AKAP12: variants seen among roughly 807,000 people sequenced by gnomAD.
AKAP12 encodes the protein A-kinase anchoring protein 12, also known as A-kinase anchor protein 12.
A neutral mutation model predicts 79.9 loss-of-function variants in AKAP12; 32 were observed. That is an observed-to-expected ratio of 0.40 (90% CI 0.30 to 0.54). AKAP12 has a LOEUF of 0.54. Ranked by LOEUF, AKAP12 falls within the 20% of genes least tolerant of loss-of-function variation. The pLI is 0.48. For synonymous variants in AKAP12, 808 were observed against 857.0 expected, an observed-to-expected ratio of 0.94 and a Z score of 1.00; for missense variants, 2,074 against 2,177.0, an observed-to-expected ratio of 0.95 and a Z score of 0.94.
rs1338613883 is a variant in AKAP12 at position 151,349,390 on chromosome 6, A to C, written c.999A>C (p.Glu333Asp). ...AGAAGAAAAAGGAACAAGAGCCAGA[A>C]AAAGTAGACACAGAAGAAGACGGAA... is the stretch of plus-strand genomic sequence containing the variant. ...ASEKKKEQEP[E>D]KVDTEEDGKA... Residue 333 changes from glutamate to aspartate, a missense_variant, in exon 4 of 5, where the codon GAA becomes GAC. Coordinates refer to ENST00000402676, the MANE Select transcript of AKAP12 (RefSeq NM_005100.4). 6.2e-7 allele frequency: 1 copy of C among 1,613,978 alleles called. No individual in the cohort carries two copies. The highest frequency in any genetic ancestry group is 1.1e-5 in the South Asian group (1 of 91,080).
At position 151,339,634 on chromosome 6, in the gene AKAP12, G is replaced by C. The variant is rs555496785; in HGVS notation, c.320-9077G>C. ...TTTACATTAGGGCTCACTCTTGGTG[G>C]TGTACATTCTGTGGATTTGGGCCAA... On this transcript the variant is annotated intron_variant, in intron 3 of 4. Coordinates refer to ENST00000402676, the MANE Select transcript of AKAP12 (RefSeq NM_005100.4). 2.2e-3 allele frequency among the ~76,000 whole-genome samples: 329 copies of C among 152,026 alleles called. 1 individual carries two copies. The highest frequency in any genetic ancestry group is 7.7e-3 in the African/African-American group (318 of 41,470).
At chr6:151,303,275 AC>A (rs1323895293) in intron 2 of AKAP12, among the ~76,000 whole-genome samples, 1 of 151,732 alleles carries the variant, frequency 6.6e-6, no homozygotes, top group Non-Finnish European at 1.5e-5. Context: ...TCCATTCCCT[AC>A]CCCCTGCTTT....
intron 2 of AKAP12, among the ~76,000 whole-genome samples, chr6:151,259,407 T>C (rs1052558063): frequency 2.0e-5 from 3 of 149,914 alleles, no homozygotes; most frequent in Non-Finnish European, 3.0e-5. Flanking sequence ...AGCATATATA[T>C]TTATATATGT....
intron 3 of AKAP12, chr6:151,324,069 C>T: frequency 1.0e-6 from 1 of 985,418 alleles, no homozygotes; most frequent in Non-Finnish European, 1.2e-6. Context: ...GCCCCCTTGG[C>T]TCTGTGGACT....
intron 2 of AKAP12, among the ~76,000 whole-genome samples, chr6:151,302,916 C>T (rs755888942): frequency 8.5e-5 from 13 of 152,342 alleles, no homozygotes; most frequent in South Asian, 6.2e-4. Flanking sequence ...TGACATTTGG[C>T]TGGGCGCAGT....
At chr6:151,265,214 CT>C (rs11308850) in intron 2 of AKAP12, among the ~76,000 whole-genome samples, 33,679 of 142,210 alleles carry the variant, frequency 0.24, 3,986 homozygotes, top group East Asian at 0.41. Flanking sequence ...AATCAAGCCT[CT>C]TTTTTTTTTT....
chr6:151,275,956 T>C (rs2114717840), intron 2 of AKAP12, among the ~76,000 whole-genome samples: 1 of 152,364 alleles, frequency 6.6e-6, no homozygotes, highest in Middle Eastern at 3.4e-3. Flanking sequence ...ATTTAATTGG[T>C]TAGCATTTAT....
chr6:151,249,225 C>G (rs944949729), intron 2 of AKAP12, among the ~76,000 whole-genome samples: 2 of 152,050 alleles, frequency 1.3e-5, no homozygotes, highest in African/African-American at 4.8e-5. Flanking sequence ...TTTGACTGGT[C>G]CAAAAATCTG....
chr6:151,353,787 T>G, intron 4 of AKAP12, 35 bp downstream of exon 4: 1 of 1,431,154 alleles, frequency 7.0e-7, no homozygotes, highest in South Asian at 1.5e-5. Flanking sequence ...AATTTTTCTC[T>G]TTTATGCCAA....
intron 3 of AKAP12, among the ~76,000 whole-genome samples, chr6:151,311,949 A>C (rs1777114889): frequency 6.6e-6 from 1 of 151,926 alleles, no homozygotes; most frequent in Non-Finnish European, 1.5e-5. Flanking sequence ...TGACTCCCCC[A>C]CCCCATACCT....
At chr6:151,320,799 T>C (rs577685178) in intron 3 of AKAP12, among the ~76,000 whole-genome samples, 1 of 152,152 alleles carries the variant, frequency 6.6e-6, no homozygotes, top group Non-Finnish European at 1.5e-5. Context: ...AAGCCTCCAA[T>C]GGCTCCCTAT....
At chr6:151,318,482 C>T (rs75810424) in intron 3 of AKAP12, among the ~76,000 whole-genome samples, 3,746 of 152,276 alleles carry the variant, frequency 0.025, 89 homozygotes, top group South Asian at 0.054. Context: ...TGATAGATGT[C>T]TGGCCATTGG....
At chr6:151,275,263 G>T (rs1192621865) in intron 2 of AKAP12, among the ~76,000 whole-genome samples, 1 of 152,088 alleles carries the variant, frequency 6.6e-6, no homozygotes, top group Non-Finnish European at 1.5e-5. Flanking sequence ...GCTGTGTCTG[G>T]AAAACACATT....
rs935359811 is a variant in AKAP12, at chr6:151,341,734, G to C, written c.320-6977G>C. On this transcript the variant is annotated intron_variant, in intron 3 of 4. Coordinates refer to ENST00000402676, the MANE Select transcript of AKAP12 (RefSeq NM_005100.4). ...CGGCAGTTCGCCCCGCAGCGATGGC[G>C]GACACGGAATCCCGAGGGCCACCAA... 1.9e-5 allele frequency: 24 copies of C among 1,275,752 alleles called. No homozygotes were observed. The Admixed American group carries it at 4.6e-4, about 25-fold the overall frequency. The allele number at this position is 1,275,752 out of a possible 1,614,324, so 79.0% of individuals were successfully genotyped here.
intron 3 of AKAP12, among the ~76,000 whole-genome samples, chr6:151,344,622 C>T (rs576867910): frequency 6.6e-6 from 1 of 152,148 alleles, no homozygotes; most frequent in Non-Finnish European, 1.5e-5. Flanking sequence ...CAACCTCTGC[C>T]TCCCATGTTC....
intron 2 of AKAP12, among the ~76,000 whole-genome samples, chr6:151,265,920 G>A (rs892675676): frequency 1.3e-5 from 2 of 152,292 alleles, no homozygotes; most frequent in East Asian, 3.9e-4. Context: ...TATTCTTTTC[G>A]TTCTTCCTTT....
In AKAP12 at chr6:151,334,256, G is replaced by A. The variant is rs534581489; in HGVS notation, c.320-14455G>A. Among the ~76,000 whole-genome samples, 22 of 152,208 alleles carry A rather than the reference G, an allele frequency of 1.4e-4. No individual in the cohort carries two copies. In the South Asian group the frequency reaches 4.2e-3, roughly 29 times the overall value. On this transcript the variant is annotated intron_variant, in intron 3 of 4. Transcript: ENST00000402676. ...AAATGTTGATGCAGGAAGTCAGGGT[G>A]GTAAAAAATAGGCACAATGTCACAT...
chr6:151,240,392 C>A lies in AKAP12; in HGVS notation c.-171C>A. The A allele has an allele frequency of 1.7e-6, 1 of 598,334 alleles. No individual in the cohort carries two copies. The highest frequency in any genetic ancestry group is 2.5e-6 in the Non-Finnish European group (1 of 400,484). The allele number at this position is 598,334 out of a possible 1,614,324, so 37.1% of individuals were successfully genotyped here. ...TTTCCTTTTCTTTTAAGGAGTTTGC[C>A]GCGAGCGCGTCTCCTTCATTCGCAG... On this transcript the variant is annotated 5_prime_UTR_variant, in exon 2 of 5. Coordinates refer to ENST00000402676, the MANE Select transcript of AKAP12 (RefSeq NM_005100.4).
chr6:151,240,515 G>A lies in AKAP12; in HGVS notation c.-48G>A, dbSNP rs115307841. 1,772 of 1,387,906 alleles carry A rather than the reference G, an allele frequency of 1.3e-3. 23 individuals are homozygous for A. The African/African-American group carries it at 0.023, about 18-fold the overall frequency. 86.0% of individuals were successfully genotyped at this position (1,387,906 alleles called of 1,614,324 possible). ...CTCTTGCCCCTGTCCCTGCGGCTTG[G>A]GGAAGGCGTAACCCGGCGGCTAGGC... On this transcript the variant is annotated 5_prime_UTR_variant, in exon 2 of 5. Coordinates refer to ENST00000402676, the MANE Select transcript of AKAP12 (RefSeq NM_005100.4).
Sources: allele counts gnomAD v4.1 joint callset (sites outside exome capture counted in the v4.1 genomes callset), GRCh38; gene constraint gnomAD v4.1.1; transcripts MANE v1.5; gene names NCBI Gene and HGNC (gene_info 2026-07-23, HGNC 2026-07-21).